XPR1: variants seen among roughly 807,000 people sequenced by gnomAD.
XPR1 encodes the protein solute carrier family 53 member 1.
In XPR1, 28 loss-of-function variants were observed where a neutral mutation model predicts 87.5. The observed-to-expected ratio is 0.32, with a 90% confidence interval of 0.24 to 0.44. The LOEUF (loss-of-function observed/expected upper bound fraction) is 0.44, where lower values mean the gene tolerates loss of function less well. Ranked by LOEUF, XPR1 falls within the 20% of genes least tolerant of loss-of-function variation. The pLI is 1.00. For synonymous variants in XPR1, 300 were observed against 306.1 expected, an observed-to-expected ratio of 0.98 and a Z score of 0.21; for missense variants, 559 against 862.3, an observed-to-expected ratio of 0.65 and a Z score of 4.41.
intron 1 of XPR1, among the ~76,000 whole-genome samples, chr1:180,665,322 G>A (rs1655921764): frequency 6.6e-6 from 1 of 152,134 alleles, no homozygotes; most frequent in East Asian, 1.9e-4. Context: ...CTTGACATTC[G>A]TGGGGATTAT....
chr1:180,655,589 A>G (rs1241923839), intron 1 of XPR1, among the ~76,000 whole-genome samples: 2 of 151,844 alleles, frequency 1.3e-5, no homozygotes, highest in African/African-American at 2.4e-5. Context: ...TTGATATACA[A>G]TTTTAAAAAA....
chr1:180,849,612 A>T (rs1487529963), intron 11 of XPR1, among the ~76,000 whole-genome samples: 1 of 152,218 alleles, frequency 6.6e-6, no homozygotes, highest in African/African-American at 2.4e-5. Context: ...AGAGACAAAT[A>T]AAAGTAGATT....
At chr1:180,652,567 C>G (rs1400185563) in intron 1 of XPR1, among the ~76,000 whole-genome samples, 1 of 152,130 alleles carries the variant, frequency 6.6e-6, no homozygotes, top group Non-Finnish European at 1.5e-5. Flanking sequence ...GTGTTGGTAG[C>G]TTTGACATAT....
At chr1:180,813,234 T>G (rs1274564772) in intron 7 of XPR1, among the ~76,000 whole-genome samples, 4 of 152,210 alleles carry the variant, frequency 2.6e-5, no homozygotes, top group African/African-American at 9.6e-5. Flanking sequence ...ACCACACTTG[T>G]GTTAGTACTT....
chr1:180,701,309 A>G (rs1657323074), intron 2 of XPR1, among the ~76,000 whole-genome samples: 1 of 74,496 alleles, frequency 1.3e-5, no homozygotes. Context: ...TTCAAAGGGA[A>G]TGCTTCCAGT....
Position 180,787,792 on chromosome 1 carries a change from T to A in XPR1, c.161T>A (p.Phe54Tyr). 1 of 1,613,634 alleles carries A rather than the reference T, an allele frequency of 6.2e-7. No individual in the cohort carries two copies. The highest frequency in any genetic ancestry group is 8.5e-7 in the Non-Finnish European group (1 of 1,179,832). The change falls in exon 3 of 15, where the codon TTT (phenylalanine) becomes TAT (tyrosine). Residue 54 changes from phenylalanine (F) to tyrosine (Y), a missense_variant. Around this residue, in one of 7 missense-constraint regions of XPR1, gnomAD observed 159 missense variants for 263.3 expected, o/e 0.60. Coordinates refer to ENST00000367590, the MANE Select transcript of XPR1 (RefSeq NM_004736.4). ...ACAGTAAAGAGGTATTTTGCCAAGT[T>A]TGAAGAGAAGTTTTTCCAAACCTGT... ...EDTVKRYFAK[F>Y]EEKFFQTCEK... is the part of the protein sequence containing the mutation.
In XPR1 at chr1:180,766,075, T is replaced by C. The variant is rs1271741579; in HGVS notation, c.122-21678T>C. On this transcript the variant is annotated intron_variant, in intron 2 of 14. Coordinates refer to ENST00000367590, the MANE Select transcript of XPR1 (RefSeq NM_004736.4). ...TTTAAAGTAGAACTTAACTTTTCTT[T>C]TCCTGGTCCACTATCTCTGTCATCA... Among the ~76,000 whole-genome samples, 10 of 152,284 alleles carry C rather than the reference T, an allele frequency of 6.6e-5. No homozygotes were observed. In the South Asian group the frequency reaches 1.9e-3, roughly 28 times the overall value.
At chr1:180,677,643 A>G (rs1426479033) in intron 1 of XPR1, among the ~76,000 whole-genome samples, 1 of 152,234 alleles carries the variant, frequency 6.6e-6, no homozygotes, top group Non-Finnish European at 1.5e-5. Context: ...CTCCAGCTGC[A>G]TGACTTCTAA....
intron 2 of XPR1, among the ~76,000 whole-genome samples, chr1:180,763,237 G>C (rs1234698900): frequency 5.3e-5 from 8 of 152,236 alleles, no homozygotes; most frequent in Admixed American, 5.2e-4. Context: ...GGATGTGGAA[G>C]GTTTGCAGAA....
At chr1:180,736,522 T>G (rs1487940584) in intron 2 of XPR1, among the ~76,000 whole-genome samples, 1 of 152,218 alleles carries the variant, frequency 6.6e-6, no homozygotes. Context: ...ATACCTGGAT[T>G]GGAATAAAGA....
intron 2 of XPR1, among the ~76,000 whole-genome samples, chr1:180,690,925 T>G (rs1183165668): frequency 6.6e-6 from 1 of 151,920 alleles, no homozygotes; most frequent in Non-Finnish European, 1.5e-5. Flanking sequence ...TGTGTGTGTG[T>G]GTTTTAAAAA....
At chr1:180,826,889 C>G (rs1198475792) in intron 9 of XPR1, among the ~76,000 whole-genome samples, 3 of 151,900 alleles carry the variant, frequency 2.0e-5, no homozygotes, top group African/African-American at 7.3e-5. Context: ...TGCAGTGGCT[C>G]ACGCCTGTCG....
intron 12 of XPR1, among the ~76,000 whole-genome samples, 155 bp downstream of exon 12, chr1:180,864,029 T>C (rs1652302860): frequency 6.6e-6 from 1 of 152,126 alleles, no homozygotes; most frequent in East Asian, 1.9e-4. Flanking sequence ...AGCAAAAATA[T>C]ATTAGATGTT....
intron 2 of XPR1, among the ~76,000 whole-genome samples, chr1:180,734,871 A>AT (rs1197050472): frequency 6.6e-5 from 10 of 152,320 alleles, no homozygotes; most frequent in Middle Eastern, 3.4e-3. Flanking sequence ...GTCTCAGAAA[A>AT]TAAGTACTGA....
intron 2 of XPR1, among the ~76,000 whole-genome samples, chr1:180,702,630 A>AT (rs749906410): frequency 2.0e-5 from 3 of 151,578 alleles, no homozygotes; most frequent in Admixed American, 6.6e-5. Flanking sequence ...CAGTTCTAGG[A>AT]TTTTTTTGAT....
chr1:180,836,680 A>G lies in XPR1; in HGVS notation c.1465A>G (p.Met489Val), dbSNP rs1433906955. ...TGGCAAATACTCCACAACTTTCTTCATGGTGACGTTTGCAGCCCTTTACAG... is the reference window on the plus strand; with the variant it reads ...TGGCAAATACTCCACAACTTTCTTCGTGGTGACGTTTGCAGCCCTTTACAG... ...NAGKYSTTFF[M>V]VTFAALYSTH... is the part of the protein sequence containing the mutation. Residue 489 changes from methionine (M) to valine (V), a missense_variant, in exon 11 of 15, where the codon ATG becomes GTG. This residue lies in a region of XPR1 where 264 missense variants were observed against 377.2 expected (regional missense o/e 0.70). Transcript: ENST00000367590. 4.3e-6 allele frequency: 7 copies of G among 1,614,108 alleles called. No homozygotes were observed. The highest frequency in any genetic ancestry group is 5.9e-6 in the Non-Finnish European group (7 of 1,180,030).
chr1:180,818,328 T>G (rs1001305379), intron 7 of XPR1, among the ~76,000 whole-genome samples: 5 of 115,722 alleles, frequency 4.3e-5, no homozygotes, highest in Non-Finnish European at 6.8e-5. Context: ...TCTGTTTGGG[T>G]TTTTTTTTTT....
At chr1:180,803,278 G>T in intron 3 of XPR1, 110 bp from the exon 4 acceptor site, 1 of 984,174 alleles carries the variant, frequency 1.0e-6, no homozygotes, top group Non-Finnish European at 1.5e-6. Flanking sequence ...TACATGTAAC[G>T]GTTTTCTTCT....
At chr1:180,876,499 A>T (rs528514426) in intron 13 of XPR1, among the ~76,000 whole-genome samples, 1 of 152,092 alleles carries the variant, frequency 6.6e-6, no homozygotes, top group African/African-American at 2.4e-5. Context: ...AGCCGGGAGT[A>T]GTGGCGCATG....
Sources: gnomAD v4.1 joint callset for allele counts (sites outside exome capture counted in the v4.1 genomes callset) on GRCh38, gnomAD v4.1.1 for gene constraint, gnomAD v4.1.1 regional missense constraint, MANE v1.5 for transcripts, NCBI Gene and HGNC (gene_info 2026-07-23, HGNC 2026-07-21) for gene names.